The following EFCAB14 variants were observed in gnomAD, a reference collection of about 807,000 sequenced individuals.
EFCAB14 encodes the protein EF-hand calcium binding domain 14.
In EFCAB14, 43 loss-of-function variants were observed where a neutral mutation model predicts 56.5. The observed-to-expected ratio is 0.76, with a 90% confidence interval of 0.60 to 0.98. The LOEUF is 0.98. Ranked by LOEUF, EFCAB14 falls within the 50% of genes least tolerant of loss-of-function variation. The pLI is 0.00. For missense variants in EFCAB14, 538 were observed against 580.3 expected, an observed-to-expected ratio of 0.93 and a Z score of 0.75; for synonymous variants, 235 against 212.9, an observed-to-expected ratio of 1.10 and a Z score of -0.90.
chr1:46,686,130 C>T (rs1286691112), intron 8 of EFCAB14, among the ~76,000 whole-genome samples: 1 of 152,154 alleles, frequency 6.6e-6, no homozygotes, highest in Non-Finnish European at 1.5e-5. Context: ...CAGAGTTTAA[C>T]ACTCTAATCA....
rs1676698530 is a variant in EFCAB14, at chr1:46,676,590, A to C, written c.*1871T>G. ...TAATTCAATTTATTGCTAGAATTTTATTTGGTTGTTAGAAAATCTGTAAGG... is the reference window on the plus strand; with the variant it reads ...TAATTCAATTTATTGCTAGAATTTTCTTTGGTTGTTAGAAAATCTGTAAGG... On this transcript the variant is annotated 3_prime_UTR_variant, in exon 11 of 11. Coordinates refer to ENST00000371933, the MANE Select transcript of EFCAB14 (RefSeq NM_014774.3). 1 of 152,590 alleles carries C rather than the reference A, an allele frequency of 6.6e-6. No individual in the cohort carries two copies. Among genetic ancestry groups the C allele is most frequent in the Admixed American group, 6.5e-5 (1 of 15,272 alleles). 9.5% of individuals were successfully genotyped at this position (152,590 alleles called of 1,614,324 possible).
intron 3 of EFCAB14, among the ~76,000 whole-genome samples, chr1:46,697,870 T>C (rs1346389154): frequency 1.3e-5 from 2 of 151,394 alleles, no homozygotes; most frequent in South Asian, 2.1e-4. Flanking sequence ...TTTTTTTTTT[T>C]TGAGACAGTC....
rs76391461 is a variant in EFCAB14, at chr1:46,693,483, T to C, written c.580-1546A>G. Among the ~76,000 whole-genome samples, 896 of 152,308 alleles carry C rather than the reference T, an allele frequency of 5.9e-3. 6 individuals are homozygous for C. Among genetic ancestry groups the C allele is most frequent in the African/African-American group, 0.021 (863 of 41,570 alleles). On this transcript the variant is annotated intron_variant, in intron 4 of 10. Transcript: ENST00000371933. The stretch of plus-strand genomic sequence containing the variant: ...GTGCCTGGCATGATAAACACACAGA[T>C]TTGCAAAGAGACAACACACTGGGTA...
intron 4 of EFCAB14, among the ~76,000 whole-genome samples, chr1:46,695,185 C>T (rs997183429): frequency 2.6e-5 from 4 of 152,228 alleles, no homozygotes; most frequent in South Asian, 4.1e-4. Context: ...CAAACCTGCA[C>T]GTTGTGCACA....
At chr1:46,684,092 T>G in intron 9 of EFCAB14, 1 of 174,912 alleles carries the variant, frequency 5.7e-6, no homozygotes, top group Non-Finnish European at 1.2e-5. Flanking sequence ...AAAGATCCCA[T>G]CATTATTTTT....
chr1:46,692,024 T>G, intron 4 of EFCAB14, 87 bp from the exon 5 acceptor site: 2 of 933,992 alleles, frequency 2.1e-6, no homozygotes, highest in Non-Finnish European at 1.6e-6. Flanking sequence ...AATGTATAAT[T>G]TGAATGTTTT....
chr1:46,679,630 T>TTTTTTTGG (rs1676758949), intron 10 of EFCAB14, among the ~76,000 whole-genome samples: 1 of 104,216 alleles, frequency 9.6e-6, no homozygotes, highest in Non-Finnish European at 1.8e-5. Context: ...TTTTTTTTTT[T>TTTTTTTGG]GGTGGAGTCT....
chr1:46,710,523 T>A (rs773236593), intron 2 of EFCAB14, among the ~76,000 whole-genome samples: 8 of 152,200 alleles, frequency 5.3e-5, no homozygotes, highest in Non-Finnish European at 8.8e-5. Context: ...CTCTGTTGTA[T>A]TTTTTACTTC....
In EFCAB14 at chr1:46,717,959, G is replaced by A. The variant is rs1677423336; in HGVS notation, c.129C>T (p.Ser43=). The change falls in exon 1 of 11, where the codon TCC becomes TCT. Residue 43 remains serine, a synonymous_variant. Transcript: ENST00000371933. ...CGAATTCCTCTTCCTCTTCGGAGCT[G>A]GACTCAGAGTCTGAGTCGGGAGGCT... ...RTEPPDSDSE[S]SSEEEEEFGV... The A allele has an allele frequency of 6.2e-7, 1 of 1,614,078 alleles. No individual in the cohort carries two copies. Among genetic ancestry groups the A allele is most frequent in the African/African-American group, 1.3e-5 (1 of 74,934 alleles).
At chr1:46,692,026 G>A (rs1332887797) in intron 4 of EFCAB14, 89 bp from the exon 5 acceptor site, 2 of 931,518 alleles carry the variant, frequency 2.1e-6, no homozygotes, top group Non-Finnish European at 1.6e-6. Flanking sequence ...TGTATAATTT[G>A]AATGTTTTGA....
chr1:46,678,782 A>T (rs1254058465), intron 10 of EFCAB14, 146 bp from the exon 11 acceptor site: 2 of 632,576 alleles, frequency 3.2e-6, no homozygotes, highest in African/African-American at 3.8e-5. Flanking sequence ...GATTTCACTA[A>T]ATCAGGAAGA....
chr1:46,703,872 G>T (rs983857885), intron 3 of EFCAB14, among the ~76,000 whole-genome samples: 1 of 152,152 alleles, frequency 6.6e-6, no homozygotes, highest in Admixed American at 6.5e-5. Context: ...TATAGATTTT[G>T]AGATTACAAA....
intron 2 of EFCAB14, among the ~76,000 whole-genome samples, chr1:46,709,623 T>C (rs1317340421): frequency 1.3e-5 from 2 of 152,174 alleles, no homozygotes; most frequent in Non-Finnish European, 2.9e-5. Flanking sequence ...AAATGCTTGT[T>C]CTGTGAAATA....
intron 4 of EFCAB14, among the ~76,000 whole-genome samples, chr1:46,695,476 G>C (rs1410016841): frequency 6.6e-6 from 1 of 152,008 alleles, no homozygotes; most frequent in Non-Finnish European, 1.5e-5. Flanking sequence ...TTTTGTCTTC[G>C]CTTATGGCTT....
chr1:46,688,670 A>C (rs1676929051), intron 6 of EFCAB14, 126 bp from the exon 7 acceptor site: 1 of 813,736 alleles, frequency 1.2e-6, no homozygotes, highest in African/African-American at 1.7e-5. Flanking sequence ...GGTTTTGACC[A>C]TCAATCGTCT....
rs1676843518 is a variant in EFCAB14 at position 46,684,320 on chromosome 1, C to G, written c.1186+171G>C. 30 of 585,892 alleles carry G rather than the reference C, an allele frequency of 5.1e-5. 1 individual carries two copies. The South Asian group carries it at 6.2e-4, about 12-fold the overall frequency. The allele number at this position is 585,892 out of a possible 1,614,324, so 36.3% of individuals were successfully genotyped here. A position where few individuals can be genotyped will look rare whatever the true frequency, so the allele number is the denominator to read the frequency against. On this transcript the variant is annotated intron_variant, in intron 9 of 10. Transcript: ENST00000371933. Reference sequence around the variant, plus strand: ...AATAGACTAGAGTACAAATCATGTACAAAATGGGCCTTTTCTAAATGAAAG... The same window carrying G: ...AATAGACTAGAGTACAAATCATGTAGAAAATGGGCCTTTTCTAAATGAAAG...
At chr1:46,716,499 T>C in intron 1 of EFCAB14, 56 bp from the exon 2 acceptor site, 2 of 1,587,080 alleles carry the variant, frequency 1.3e-6, no homozygotes, top group South Asian at 2.2e-5. Flanking sequence ...GGTATAGCTT[T>C]ATTAGCAATA....
intron 1 of EFCAB14, among the ~76,000 whole-genome samples, chr1:46,717,528 A>C (rs76150283): frequency 0.012 from 1,834 of 152,294 alleles, 33 homozygotes; most frequent in African/African-American, 0.042. Flanking sequence ...AAAACGAAAT[A>C]ATCTGCAGTC....
rs753622798 is a variant in EFCAB14 at position 46,707,888 on chromosome 1, A to T, written c.480+18T>A. 1.2e-6 allele frequency: 2 copies of T among 1,604,872 alleles called. No individual in the cohort carries two copies. Among genetic ancestry groups the T allele is most frequent in the East Asian group, 4.5e-5 (2 of 44,668 alleles). ...CAAATATTCATAGCTTACACAGCAA[A>T]AATCAAACTTTTAGTACCTGCTTAT... On this transcript the variant is annotated intron_variant, in intron 3 of 10. Coordinates refer to ENST00000371933, the MANE Select transcript of EFCAB14 (RefSeq NM_014774.3).
Sources: allele counts gnomAD v4.1 joint callset (sites outside exome capture counted in the v4.1 genomes callset), GRCh38; gene constraint gnomAD v4.1.1; transcripts MANE v1.5; gene names NCBI Gene and HGNC (gene_info 2026-07-23, HGNC 2026-07-21).